Variants in PDLIM5 observed in about 807,000 individuals in gnomAD.
PDLIM5 encodes PDZ and LIM domain protein 5.
Under a neutral mutation model 64.2 loss-of-function variants are expected in PDLIM5, and 34 were observed. That is an observed-to-expected ratio of 0.53 (90% CI 0.40 to 0.71). PDLIM5 has a LOEUF of 0.71. Ranked by LOEUF, PDLIM5 falls within the 30% of genes least tolerant of loss-of-function variation. The pLI is 0.00. For missense variants in PDLIM5, 683 were observed against 733.6 expected, an observed-to-expected ratio of 0.93 and a Z score of 0.80; for synonymous variants, 253 against 269.1, an observed-to-expected ratio of 0.94 and a Z score of 0.59.
At chr4:94,588,271 A>G in intron 7 of PDLIM5, 1 of 701,430 alleles carries the variant, frequency 1.4e-6, no homozygotes, top group Non-Finnish European at 1.8e-6. Context: ...ATATGGGTAT[A>G]AAACACGGCA....
intron 9 of PDLIM5, among the ~76,000 whole-genome samples, chr4:94,646,113 G>A (rs1741393481): frequency 6.6e-6 from 1 of 152,120 alleles, no homozygotes; most frequent in Non-Finnish European, 1.5e-5. Context: ...AGATATCACT[G>A]GCACAGAAAT....
chr4:94,643,518 C>A (rs1005581664), intron 9 of PDLIM5, among the ~76,000 whole-genome samples: 2 of 152,016 alleles, frequency 1.3e-5, no homozygotes, highest in African/African-American at 4.8e-5. Flanking sequence ...TAGTTTATTT[C>A]TTAAGTGTTA....
chr4:94,525,716 T>C (rs558925651), intron 3 of PDLIM5, among the ~76,000 whole-genome samples: 2 of 152,364 alleles, frequency 1.3e-5, no homozygotes, highest in African/African-American at 4.8e-5. Context: ...TATTGTGACT[T>C]TCTAAGCAGT....
At chr4:94,649,791 T>G (rs918333665) in intron 9 of PDLIM5, among the ~76,000 whole-genome samples, 1 of 152,222 alleles carries the variant, frequency 6.6e-6, no homozygotes, top group Admixed American at 6.5e-5. Context: ...TTTATAATAA[T>G]CTCAAAAAGA....
chr4:94,539,862 A>C (rs1731633143), intron 3 of PDLIM5, among the ~76,000 whole-genome samples: 2 of 152,096 alleles, frequency 1.3e-5, no homozygotes, highest in South Asian at 4.2e-4. Flanking sequence ...TTTTGAGGGG[A>C]CAGGAAGAGT....
chr4:94,527,301 C>T (rs1435490683), intron 3 of PDLIM5, among the ~76,000 whole-genome samples: 3 of 150,186 alleles, frequency 2.0e-5, no homozygotes, highest in Non-Finnish European at 4.4e-5. Flanking sequence ...GTGATCTGCC[C>T]GCCTTGTCCT....
At chr4:94,625,330 A>G (rs1739577634) in intron 8 of PDLIM5, among the ~76,000 whole-genome samples, 1 of 152,242 alleles carries the variant, frequency 6.6e-6, no homozygotes, top group Non-Finnish European at 1.5e-5. Context: ...ATTAGTGGAT[A>G]TTATTAAACG....
At chr4:94,505,141 C>G (rs993777905) in intron 2 of PDLIM5, among the ~76,000 whole-genome samples, 1 of 152,190 alleles carries the variant, frequency 6.6e-6, no homozygotes, top group African/African-American at 2.4e-5. Context: ...CTCCAGTGGA[C>G]ACCAGCCGGG....
intron 3 of PDLIM5, among the ~76,000 whole-genome samples, chr4:94,534,492 C>G (rs1207172013): frequency 6.6e-6 from 1 of 152,032 alleles, no homozygotes; most frequent in East Asian, 1.9e-4. Context: ...AATCTTTGCC[C>G]TTAAAGAATT....
chr4:94,651,561 A>T (rs533938863), intron 9 of PDLIM5, among the ~76,000 whole-genome samples: 6 of 152,326 alleles, frequency 3.9e-5, no homozygotes, highest in African/African-American at 1.2e-4. Context: ...TAGGCTCGTT[A>T]AAAATGAAGC....
Position 94,455,385 on chromosome 4 carries a change from G to A in PDLIM5, c.96+1G>A. ...CAACATGCCTCTGACAATCTCTAGT[G>A]TAAGTAAACTTTACAAATTTTATTA... On this transcript the variant is annotated splice_donor_variant, in intron 2 of 12. Transcript: ENST00000317968. LOFTEE classifies it high-confidence loss of function. 1 of 1,590,562 alleles carries A rather than the reference G, an allele frequency of 6.3e-7. No individual in the cohort carries two copies. The highest frequency in any genetic ancestry group is 8.6e-7 in the Non-Finnish European group (1 of 1,158,538).
At chr4:94,562,044 G>A (rs972695751) in intron 3 of PDLIM5, among the ~76,000 whole-genome samples, 9 of 152,120 alleles carry the variant, frequency 5.9e-5, no homozygotes, top group African/African-American at 2.2e-4. Flanking sequence ...ATGTCTTTGA[G>A]GATATCATTG....
At chr4:94,557,225 G>GTATTATTTCTGAGGGCTC (rs1733419607) in intron 3 of PDLIM5, among the ~76,000 whole-genome samples, 1 of 152,070 alleles carries the variant, frequency 6.6e-6, no homozygotes, top group Non-Finnish European at 1.5e-5. Context: ...TAGATGTGTG[G>GTATTATTTCTGAGGGCTC]TATTATTTCT....
At chr4:94,560,807 T>A (rs560869853) in intron 3 of PDLIM5, among the ~76,000 whole-genome samples, 8 of 152,212 alleles carry the variant, frequency 5.3e-5, no homozygotes, top group Middle Eastern at 3.4e-3. Context: ...GCTTACTGCA[T>A]GCTCCACCTC....
At position 94,453,352 on chromosome 4, in the gene PDLIM5, G is replaced by A. The variant is rs143295350; in HGVS notation, c.-43+1357G>A. Among the ~76,000 whole-genome samples, 1,413 of 152,290 alleles carry A rather than the reference G, an allele frequency of 9.3e-3. 15 individuals are homozygous for A. The highest frequency in any genetic ancestry group is 0.012 in the Non-Finnish European group (804 of 68,024). On this transcript the variant is annotated intron_variant, in intron 1 of 12. Transcript: ENST00000317968. ...ATTCCAAATGAAGCTAGCAGAAGAA[G>A]CATCTAGAAATGAACGGACAGTGAC...
intron 2 of PDLIM5, among the ~76,000 whole-genome samples, chr4:94,481,721 G>T (rs1725869091): frequency 6.6e-6 from 1 of 151,368 alleles, no homozygotes; most frequent in Admixed American, 6.6e-5. Flanking sequence ...CCATTCTTCT[G>T]CCTCAGTCTC....
At chr4:94,475,691 C>T (rs751980403) in intron 2 of PDLIM5, among the ~76,000 whole-genome samples, 9 of 151,828 alleles carry the variant, frequency 5.9e-5, no homozygotes, top group South Asian at 2.1e-4. Flanking sequence ...TTCTTTTGCA[C>T]AACAATATGA....
At chr4:94,654,156 A>G (rs996499935) in intron 9 of PDLIM5, among the ~76,000 whole-genome samples, 3 of 152,104 alleles carry the variant, frequency 2.0e-5, no homozygotes, top group Non-Finnish European at 4.4e-5. Flanking sequence ...AATCCTACCC[A>G]TGATGCAGAC....
At chr4:94,569,791 T>A (rs941528754) in intron 3 of PDLIM5, among the ~76,000 whole-genome samples, 3 of 152,236 alleles carry the variant, frequency 2.0e-5, no homozygotes, top group Non-Finnish European at 4.4e-5. Context: ...CTTATGCTAC[T>A]TAAATTTAAA....
Sources: allele counts gnomAD v4.1 joint callset (sites outside exome capture counted in the v4.1 genomes callset), GRCh38; gene constraint gnomAD v4.1.1; transcripts MANE v1.5; gene names NCBI Gene and HGNC (gene_info 2026-07-23, HGNC 2026-07-21).